KMO: variants seen among roughly 807,000 people sequenced by gnomAD.
KMO encodes the protein kynurenine 3-monooxygenase, also known as kynurenine 3-hydroxylase.
Under a neutral mutation model 57.8 loss-of-function variants are expected in KMO, and 24 were observed. The observed-to-expected ratio is 0.42, with a 90% CI of 0.30 to 0.58. The LOEUF (loss-of-function observed/expected upper bound fraction) is 0.58, where lower values mean the gene tolerates loss of function less well. Among genes scored for constraint, KMO ranks in the 20% least tolerant of loss-of-function variants. The pLI, the probability that KMO is intolerant of heterozygous loss-of-function variation, is 0.22. For missense variants in KMO, 483 were observed against 588.2 expected (o/e 0.82, Z 1.85); for synonymous variants, 210 against 193.6 (o/e 1.08, Z -0.70).
Position 241,592,319 on chromosome 1 carries a change from G to A in KMO, c.*166G>A. The stretch of plus-strand genomic sequence containing the variant: ...GTATGTTAATTGCAATTACTGGTTG[G>A]GGGGTGCATTTTAAAAGATGAAACA... On this transcript the variant is annotated 3_prime_UTR_variant, in exon 15 of 15. Coordinates refer to ENST00000366559, the MANE Select transcript of KMO (RefSeq NM_003679.5). 1 of 615,450 alleles carries A rather than the reference G, an allele frequency of 1.6e-6. No individual in the cohort carries two copies. Among genetic ancestry groups the A allele is most frequent in the Non-Finnish European group, 2.9e-6 (1 of 350,184 alleles). 38.1% of individuals were successfully genotyped at this position (615,450 alleles called of 1,614,324 possible).
At chr1:241,539,522 A>G (rs574362491) in intron 1 of KMO, among the ~76,000 whole-genome samples, 20 of 152,312 alleles carry the variant, frequency 1.3e-4, no homozygotes, top group African/African-American at 4.6e-4. Flanking sequence ...TCTCAAAAAC[A>G]TCAAATCTGG....
chr1:241,561,956 T>C (rs1661859155), intron 6 of KMO: 3 of 526,650 alleles, frequency 5.7e-6, no homozygotes, highest in South Asian at 2.4e-5. Flanking sequence ...TTAATCAATA[T>C]GGTGTTGTGC....
chr1:241,555,017 T>G (rs987245141), intron 4 of KMO, among the ~76,000 whole-genome samples: 2 of 151,542 alleles, frequency 1.3e-5, no homozygotes, highest in African/African-American at 4.8e-5. Flanking sequence ...CCATAGGCGC[T>G]GTGTCTACCT....
chr1:241,588,514 A>G (rs1444591596), intron 11 of KMO, among the ~76,000 whole-genome samples: 5 of 151,992 alleles, frequency 3.3e-5, no homozygotes, highest in Non-Finnish European at 7.4e-5. Flanking sequence ...GCACTAGAGA[A>G]CAAAGATAAA....
chr1:241,551,683 A>C (rs1010109829), intron 4 of KMO, among the ~76,000 whole-genome samples: 5 of 152,222 alleles, frequency 3.3e-5, no homozygotes, highest in Non-Finnish European at 5.9e-5. Flanking sequence ...GAATGAATGC[A>C]CCAAACATCC....
rs558950549 is a variant in KMO at position 241,556,578 on chromosome 1, A to G, written c.361+918A>G. 4.3e-4 allele frequency among the ~76,000 whole-genome samples: 65 copies of G among 152,312 alleles called. No individual in the cohort carries two copies. In the South Asian group the frequency reaches 0.012, roughly 29 times the overall value. ...AAACTCAAACAATTTGCAAAGTGAC[A>G]CAATTAGATTTGCCTTTTGGGCCAG... On this transcript the variant is annotated intron_variant, in intron 5 of 14. Transcript: ENST00000366559.
At chr1:241,587,054 C>T (rs1663025319) in intron 11 of KMO, among the ~76,000 whole-genome samples, 1 of 152,170 alleles carries the variant, frequency 6.6e-6, no homozygotes, top group African/African-American at 2.4e-5. Context: ...GTAACACCCT[C>T]TGCCTGCGCC....
At chr1:241,568,707 AGTCTTACGT>A in intron 10 of KMO, 60 bp downstream of exon 10, 1 of 1,509,540 alleles carries the variant, frequency 6.6e-7, no homozygotes, top group Admixed American at 2.0e-5. Context: ...TCAGCTAACA[AGTCTTACGT>A]AAAAAATATG....
At chr1:241,580,230 GA>G (rs1253911248) in intron 10 of KMO, among the ~76,000 whole-genome samples, 1 of 152,026 alleles carries the variant, frequency 6.6e-6, no homozygotes, top group Non-Finnish European at 1.5e-5. Context: ...TTGCCTCCTG[GA>G]AAAAAGTTCA....
intron 8 of KMO, among the ~76,000 whole-genome samples, chr1:241,565,677 T>C (rs1416768286): frequency 6.6e-6 from 1 of 151,590 alleles, no homozygotes; most frequent in African/African-American, 2.4e-5. Flanking sequence ...TAAGCCGTGA[T>C]CATCCCATTG....
Position 241,593,113 on chromosome 1 carries a change from A to G in KMO, c.*960A>G. 4.5e-6 allele frequency: 1 copy of G among 221,080 alleles called. No individual in the cohort carries two copies. Among genetic ancestry groups the G allele is most frequent in the East Asian group, 8.9e-5 (1 of 11,180 alleles). The allele number at this position is 221,080 out of a possible 1,614,324, so 13.7% of individuals were successfully genotyped here. ...TAAAGATAAGAAAAAGGCTATTAAT[A>G]TCATACTAAGTGAAGGACAGGAAAG... On this transcript the variant is annotated 3_prime_UTR_variant, in exon 15 of 15. Transcript: ENST00000366559.
intron 10 of KMO, among the ~76,000 whole-genome samples, chr1:241,571,413 C>T (rs1662273166): frequency 6.6e-6 from 1 of 152,094 alleles, no homozygotes. Context: ...ATGATACTAG[C>T]TGTGGTGTTG....
intron 10 of KMO, among the ~76,000 whole-genome samples, chr1:241,583,189 A>C (rs1020833577): frequency 6.6e-6 from 1 of 150,960 alleles, no homozygotes; most frequent in Non-Finnish European, 1.5e-5. Flanking sequence ...TTGGGGGAGG[A>C]GTGACACAAG....
rs541518822 is a variant in KMO at position 241,550,277 on chromosome 1, G to T, written c.222+503G>T. On this transcript the variant is annotated intron_variant, in intron 3 of 14. Coordinates refer to ENST00000366559, the MANE Select transcript of KMO (RefSeq NM_003679.5). ...GAAATTTTGTGTTTGATTATGGGGCGGGTTTATGTGATATCCAGCATATGT... is the reference window on the plus strand; with the variant it reads ...GAAATTTTGTGTTTGATTATGGGGCTGGTTTATGTGATATCCAGCATATGT... 2.0e-5 allele frequency among the ~76,000 whole-genome samples: 3 copies of T among 152,170 alleles called. No individual in the cohort carries two copies. In the East Asian group the frequency reaches 5.8e-4, roughly 29 times the overall value.
chr1:241,534,048 C>A (rs1660672383), intron 1 of KMO, among the ~76,000 whole-genome samples: 1 of 152,234 alleles, frequency 6.6e-6, no homozygotes, highest in Non-Finnish European at 1.5e-5. Flanking sequence ...GAAAAGCTGA[C>A]AGACCAGATC....
At chr1:241,589,595 TGTCCTAAAAGAAAGAGTAG>T (rs1663165272) in intron 12 of KMO, among the ~76,000 whole-genome samples, 2 of 152,206 alleles carry the variant, frequency 1.3e-5, no homozygotes, top group African/African-American at 4.8e-5. Context: ...ACACAGTATC[TGTCCTAAAAGAAAGAGTAG>T]GTCCAGACAA....
intron 5 of KMO, 64 bp from the exon 6 acceptor site, chr1:241,560,601 A>T (rs1052609571): frequency 1.7e-6 from 2 of 1,157,604 alleles, no homozygotes; most frequent in Non-Finnish European, 2.6e-6. Flanking sequence ...TACTATTTCA[A>T]TTTGATTAAG....
intron 14 of KMO, 164 bp downstream of exon 14, chr1:241,590,427 C>T: frequency 1.7e-6 from 1 of 574,118 alleles, no homozygotes; most frequent in Non-Finnish European, 3.1e-6. Flanking sequence ...ACAGTGCTTA[C>T]TGAAAAACAT....
At chr1:241,533,916 A>G (rs1660666277) in intron 1 of KMO, among the ~76,000 whole-genome samples, 1 of 152,224 alleles carries the variant, frequency 6.6e-6, no homozygotes, top group South Asian at 2.1e-4. Flanking sequence ...GAGAAAGAGC[A>G]TTTCAGGCAG....
Sources: gnomAD v4.1 joint callset for allele counts (sites outside exome capture counted in the v4.1 genomes callset) on GRCh38, gnomAD v4.1.1 for gene constraint, MANE v1.5 for transcripts, NCBI Gene and HGNC (gene_info 2026-07-23, HGNC 2026-07-21) for gene names.